The following ACAP1 variants were observed in gnomAD, a reference collection of about 807,000 sequenced individuals.
The protein encoded by ACAP1 is arf-GAP with coiled-coil, ANK repeat and PH domain-containing protein 1.
In ACAP1, 45 loss-of-function variants were observed where a neutral mutation model predicts 98.8. The observed-to-expected ratio is 0.46, with a 90% CI of 0.36 to 0.58. The LOEUF is 0.58. Ranked by LOEUF, ACAP1 falls within the 20% of genes least tolerant of loss-of-function variation. The pLI, the probability that ACAP1 is intolerant of heterozygous loss-of-function variation, is 0.00. For missense variants in ACAP1, 735 were observed against 971.4 expected (o/e 0.76, Z 3.24); for synonymous variants, 362 against 375.3 (o/e 0.96, Z 0.41).
At chr17:7,345,464 C>T (rs1223705153) in intron 10 of ACAP1, 1 of 151,994 alleles carries the variant, frequency 6.6e-6, no homozygotes, top group African/African-American at 2.4e-5. Context: ...GCTGGGACCA[C>T]AGGCGTGTGC....
chr17:7,338,906 T>A (rs2073246907), intron 2 of ACAP1, among the ~76,000 whole-genome samples: 1 of 152,020 alleles, frequency 6.6e-6, no homozygotes, highest in Non-Finnish European at 1.5e-5. Context: ...AGGTCTCATG[T>A]ACCCATCACC....
intron 14 of ACAP1, 129 bp from the exon 15 acceptor site, chr17:7,347,793 C>T (rs960065863): frequency 1.4e-6 from 1 of 737,082 alleles, no homozygotes; most frequent in Middle Eastern, 3.8e-4. Flanking sequence ...GCTGCCCTGC[C>T]TCCTGGGCCA....
Position 7,350,611 on chromosome 17 carries a change from CTTTT to C in ACAP1, c.2073-327_2073-324del, listed in dbSNP as rs35927903. Reference sequence around the variant, plus strand: ...AAGTTGTGGGGGAGGTGAGGATAGTCTTTTTTTTTTTTTTTGAGACGGAGTCTCA... The same window carrying C: ...AAGTTGTGGGGGAGGTGAGGATAGTCTTTTTTTTTTTGAGACGGAGTCTCA... On this transcript the variant is annotated intron_variant, in intron 20 of 21. Coordinates refer to ENST00000158762, the MANE Select transcript of ACAP1 (RefSeq NM_014716.4). The surrounding 1 kb of genome is among the most constrained non-coding windows in gnomAD (Gnocchi z 4.6). The C allele has an allele frequency of 6.1e-4, 162 of 263,866 alleles. No individual in the cohort carries two copies. Among genetic ancestry groups the C allele is most frequent in the Middle Eastern group, 2.6e-3 (2 of 760 alleles). 16.3% of individuals were successfully genotyped at this position (263,866 alleles called of 1,614,324 possible). A position where few individuals can be genotyped will look rare whatever the true frequency, so the allele number is the denominator to read the frequency against.
At chr17:7,348,844 C>G in intron 17 of ACAP1, 151 bp from the exon 18 acceptor site, 2 of 725,100 alleles carry the variant, frequency 2.8e-6, no homozygotes, top group Non-Finnish European at 4.6e-6. Context: ...CTTACACATA[C>G]CCACACTTGC....
Position 7,350,906 on chromosome 17 carries a change from G to C in ACAP1, c.2073-44G>C. 1 of 1,609,866 alleles carries C rather than the reference G, an allele frequency of 6.2e-7. No homozygotes were observed. The highest frequency in any genetic ancestry group is 1.1e-5 in the South Asian group (1 of 90,990). ...ATTACAGGCGTGAGCCACCGCGCCC[G>C]GCCAAAGATAGTGTCGTTCATTTCT... On this transcript the variant is annotated intron_variant, in intron 20 of 21. Transcript: ENST00000158762. The surrounding 1 kb of genome is among the most constrained non-coding windows in gnomAD (Gnocchi z 4.6).
rs767118445 is a variant in ACAP1, at chr17:7,343,757, T to G, written c.573+7T>G. ...GTTTGACATCATGGAGTTTGTGAGT[T>G]GTGGCGGGGGTGAGGGCAGGGTGGA... On this transcript the variant is annotated splice_region_variant and intron_variant, in intron 7 of 21. Transcript: ENST00000158762. This position sits in a 1 kb window ranked among gnomAD's most constrained non-coding sequence, Gnocchi z 4.9. 6 of 1,613,956 alleles carry G rather than the reference T, an allele frequency of 3.7e-6. No homozygotes were observed. The South Asian group carries it at 6.6e-5, about 18-fold the overall frequency.
chr17:7,347,879 G>GC (rs1165937049), intron 14 of ACAP1, 43 bp from the exon 15 acceptor site: 14 of 1,557,790 alleles, frequency 9.0e-6, no homozygotes, highest in South Asian at 7.8e-5. Flanking sequence ...CCAGGCCACT[G>GC]CCCCCCTGCA....
rs1173657136 is a variant in ACAP1, at chr17:7,344,438, A to G, written c.745-101A>G. ...AAAATAAATTTTAAAAAGTATTTCA[A>G]AAAGCAGAAAGTAAGGGCTAGGGCT... On this transcript the variant is annotated intron_variant, in intron 9 of 21. Transcript: ENST00000158762. The surrounding 1 kb of genome is among the most constrained non-coding windows in gnomAD (Gnocchi z 4.9). 2.3e-6 allele frequency: 2 copies of G among 882,352 alleles called. No individual in the cohort carries two copies. Among genetic ancestry groups the G allele is most frequent in the Non-Finnish European group, 3.5e-6 (2 of 571,016 alleles). The allele number at this position is 882,352 out of a possible 1,614,324, so 54.7% of individuals were successfully genotyped here. A position where few individuals can be genotyped will look rare whatever the true frequency, so the allele number is the denominator to read the frequency against.
chr17:7,337,272 A>G (rs1411567886), intron 1 of ACAP1, 40 bp from the exon 2 acceptor site: 2 of 1,604,910 alleles, frequency 1.2e-6, no homozygotes, highest in Non-Finnish European at 1.7e-6. Context: ...GACAGACCAG[A>G]TGGACCCAAG....
intron 16 of ACAP1, 32 bp downstream of exon 16, chr17:7,348,253 G>T (rs764202587): frequency 6.2e-7 from 1 of 1,611,054 alleles, no homozygotes; most frequent in South Asian, 1.1e-5. Flanking sequence ...CCAGGGGAAT[G>T]GGGGACCCCT....
At chr17:7,347,356 G>A in intron 14 of ACAP1, 114 bp downstream of exon 14, 1 of 1,093,698 alleles carries the variant, frequency 9.1e-7, no homozygotes, top group African/African-American at 1.6e-5. Context: ...TCCTCTCTTA[G>A]CTTCTGGCTT....
intron 2 of ACAP1, among the ~76,000 whole-genome samples, chr17:7,340,420 T>G (rs1355734578): frequency 3.3e-5 from 5 of 152,212 alleles, no homozygotes; most frequent in African/African-American, 1.2e-4. Flanking sequence ...GAAAGTTTCT[T>G]ACTCATCTAA....
rs972025206 is a variant in ACAP1 at position 7,350,824 on chromosome 17, A to G, written c.2073-126A>G. On this transcript the variant is annotated intron_variant, in intron 20 of 21. Transcript: ENST00000158762. The surrounding 1 kb of genome is among the most constrained non-coding windows in gnomAD (Gnocchi z 4.6). ...ACGGGGTTTCACCATGTTGGCCAGG[A>G]CGGTCTCGATCTCCTGACCTCGTGA... 3 of 862,336 alleles carry G rather than the reference A, an allele frequency of 3.5e-6. No homozygotes were observed. Among genetic ancestry groups the G allele is most frequent in the East Asian group, 5.3e-5 (2 of 37,652 alleles). The allele number at this position is 862,336 out of a possible 1,614,324, so 53.4% of individuals were successfully genotyped here.
chr17:7,347,588 C>T lies in ACAP1; in HGVS notation c.1344-334C>T, dbSNP rs2073359273. The T allele has an allele frequency of 9.5e-6, 5 of 527,672 alleles. No homozygotes were observed. In the East Asian group the frequency reaches 1.3e-4, roughly 14 times the overall value. The allele number at this position is 527,672 out of a possible 1,614,324, so 32.7% of individuals were successfully genotyped here. A position where few individuals can be genotyped will look rare whatever the true frequency, so the allele number is the denominator to read the frequency against. The stretch of plus-strand genomic sequence containing the variant: ...CCTTAGCAAGTATCTAAGGCCCTCG[C>T]CCCCCACCTCAGTGTGGTGGAAGGG... On this transcript the variant is annotated intron_variant, in intron 14 of 21. Coordinates refer to ENST00000158762, the MANE Select transcript of ACAP1 (RefSeq NM_014716.4).
chr17:7,337,456 C>A, intron 2 of ACAP1, 87 bp downstream of exon 2: 1 of 1,226,034 alleles, frequency 8.2e-7, no homozygotes, highest in Non-Finnish European at 1.2e-6. Flanking sequence ...CAGAATGCAT[C>A]CCAGGGATTA....
chr17:7,347,727 CG>C (rs747024890), intron 14 of ACAP1, 194 bp from the exon 15 acceptor site: 6 of 599,888 alleles, frequency 1.0e-5, no homozygotes, highest in Non-Finnish European at 1.8e-5. Context: ...GGAATGGTGA[CG>C]AGGCAGAGTC....
intron 13 of ACAP1, 23 bp from the exon 14 acceptor site, chr17:7,347,008 C>A: frequency 6.4e-7 from 1 of 1,569,406 alleles, no homozygotes; most frequent in Admixed American, 1.8e-5. Flanking sequence ...CTTGGCCACC[C>A]TTTCTTCCCC....
chr17:7,347,593 C>A (rs530947015), intron 14 of ACAP1: 5 of 531,322 alleles, frequency 9.4e-6, no homozygotes, highest in Non-Finnish European at 1.7e-5. Flanking sequence ...CCTCGCCCCC[C>A]ACCTCAGTGT....
At position 7,341,931 on chromosome 17, in the gene ACAP1, C is replaced by A. The variant is rs753525879; in HGVS notation, c.112-17C>A. The A allele has an allele frequency of 1.2e-6, 2 of 1,613,890 alleles. No homozygotes were observed. Among genetic ancestry groups the A allele is most frequent in the Admixed American group, 3.3e-5 (2 of 60,002 alleles). On this transcript the variant is annotated splice_polypyrimidine_tract_variant and intron_variant, in intron 2 of 21. Transcript: ENST00000158762. ...AGGATGATGGCACAGCTCCCTGTTACCCTCCTTCTTTCCCAGCTCCTGAAA... is the reference window on the plus strand; with the variant it reads ...AGGATGATGGCACAGCTCCCTGTTAACCTCCTTCTTTCCCAGCTCCTGAAA...
Sources: gnomAD v4.1 joint callset for allele counts (sites outside exome capture counted in the v4.1 genomes callset) on GRCh38, gnomAD v4.1.1 for gene constraint, Gnocchi (gnomAD v3.1) non-coding constraint, MANE v1.5 for transcripts, NCBI Gene and HGNC (gene_info 2026-07-23, HGNC 2026-07-21) for gene names.